Variants in PDLIM5 observed in about 807,000 individuals in gnomAD.
PDLIM5 encodes PDZ and LIM domain protein 5.
A neutral mutation model predicts 64.2 loss-of-function variants in PDLIM5; 34 were observed. The ratio of observed to expected loss-of-function variants is 0.53; its 90% CI spans 0.40 to 0.71. The LOEUF (loss-of-function observed/expected upper bound fraction) is 0.71, where lower values mean the gene tolerates loss of function less well. Ranked by LOEUF, PDLIM5 falls within the 30% of genes least tolerant of loss-of-function variation. The pLI, the probability that PDLIM5 is intolerant of heterozygous loss-of-function variation, is 0.00. For missense variants in PDLIM5, 683 were observed against 733.6 expected (o/e 0.93, Z 0.80); for synonymous variants, 253 against 269.1 (o/e 0.94, Z 0.59).
At position 94,479,199 on chromosome 4, in the gene PDLIM5, C is replaced by T. The variant is rs116061901; in HGVS notation, c.96+23815C>T. Among the ~76,000 whole-genome samples, 732 of 151,188 alleles carry T rather than the reference C, an allele frequency of 4.8e-3. 12 individuals carry two copies. Among genetic ancestry groups the T allele is most frequent in the African/African-American group, 0.016 (650 of 41,204 alleles). On this transcript the variant is annotated intron_variant, in intron 2 of 12. Coordinates refer to ENST00000317968, the MANE Select transcript of PDLIM5 (RefSeq NM_006457.5). Reference sequence around the variant, plus strand: ...ACAGGCATGAGCCACTGTGCCCAGCCTGTTTTTCATTTTGTAAAACACACC... The same window carrying T: ...ACAGGCATGAGCCACTGTGCCCAGCTTGTTTTTCATTTTGTAAAACACACC...
At chr4:94,596,942 T>G (rs544646189) in intron 7 of PDLIM5, among the ~76,000 whole-genome samples, 26 of 152,232 alleles carry the variant, frequency 1.7e-4, no homozygotes, top group Admixed American at 3.9e-4. Flanking sequence ...GGGTATTGTT[T>G]GAATGCTACT....
chr4:94,564,660 T>C (rs1734143827), intron 3 of PDLIM5, among the ~76,000 whole-genome samples: 1 of 139,102 alleles, frequency 7.2e-6, no homozygotes, highest in South Asian at 2.2e-4. Flanking sequence ...TTGTCTCTTT[T>C]TTTTTTTTTT....
At chr4:94,603,857 C>A (rs1737696911) in intron 7 of PDLIM5, among the ~76,000 whole-genome samples, 1 of 152,132 alleles carries the variant, frequency 6.6e-6, no homozygotes, top group East Asian at 1.9e-4. Context: ...CTTAAGTAAC[C>A]TGGTAGGGGA....
chr4:94,502,642 C>T (rs754924268), intron 2 of PDLIM5, among the ~76,000 whole-genome samples: 19 of 151,990 alleles, frequency 1.3e-4, no homozygotes, highest in Non-Finnish European at 2.2e-4. Flanking sequence ...TTTGGGAAGC[C>T]GAGGTGGGTG....
At chr4:94,572,629 TATATACATGG>T (rs1407157866) in intron 3 of PDLIM5, among the ~76,000 whole-genome samples, 1 of 152,196 alleles carries the variant, frequency 6.6e-6, no homozygotes, top group Non-Finnish European at 1.5e-5. Context: ...ATAGTCAAGT[TATATACATGG>T]ATTTTTGTCT....
intron 2 of PDLIM5, chr4:94,456,827 TTATC>T (rs1723415700): frequency 1.7e-6 from 2 of 1,146,042 alleles, no homozygotes; most frequent in Non-Finnish European, 2.2e-6. Context: ...ACTTGGATAT[TTATC>T]AAGTGCTGTG....
At chr4:94,644,208 G>A (rs975771459) in intron 9 of PDLIM5, among the ~76,000 whole-genome samples, 1 of 152,220 alleles carries the variant, frequency 6.6e-6, no homozygotes, top group Non-Finnish European at 1.5e-5. Flanking sequence ...TGAGACAGTT[G>A]CTATGATTAT....
At chr4:94,610,172 C>G (rs1420802194) in intron 7 of PDLIM5, 1 of 1,524,690 alleles carries the variant, frequency 6.6e-7, no homozygotes, top group Non-Finnish European at 8.8e-7. Flanking sequence ...TTAAGCAGCT[C>G]CACAGGAAAT....
chr4:94,638,310 A>G (rs78698799), intron 8 of PDLIM5, among the ~76,000 whole-genome samples: 3,748 of 152,264 alleles, frequency 0.025, 162 homozygotes, highest in East Asian at 0.15. Flanking sequence ...CCATTTCTGT[A>G]AGAGAAAAGT....
chr4:94,619,393 C>G (rs1418449402), intron 8 of PDLIM5, among the ~76,000 whole-genome samples: 5 of 150,342 alleles, frequency 3.3e-5, no homozygotes, highest in African/African-American at 1.2e-4. Context: ...GTAATCCCAG[C>G]ACTTTGGGAG....
At chr4:94,469,029 G>A (rs1161432736) in intron 2 of PDLIM5, among the ~76,000 whole-genome samples, 1 of 152,206 alleles carries the variant, frequency 6.6e-6, no homozygotes, top group Admixed American at 6.5e-5. Context: ...CACATAGCCT[G>A]TGTCAGGGTT....
chr4:94,635,268 G>T (rs896211076), intron 8 of PDLIM5, among the ~76,000 whole-genome samples: 34 of 152,112 alleles, frequency 2.2e-4, no homozygotes, highest in African/African-American at 8.2e-4. Context: ...AGCCATAAAA[G>T]AAGCCAATAT....
At chr4:94,519,632 A>G (rs113426675) in intron 2 of PDLIM5, among the ~76,000 whole-genome samples, 1,800 of 152,274 alleles carry the variant, frequency 0.012, 41 homozygotes, top group African/African-American at 0.041. Flanking sequence ...CAGAGGAATG[A>G]TGAAGCATCC....
At chr4:94,605,800 T>C (rs1737868169) in intron 7 of PDLIM5, among the ~76,000 whole-genome samples, 1 of 152,054 alleles carries the variant, frequency 6.6e-6, no homozygotes. Context: ...ACTCAGCTTT[T>C]TTCCAATCAG....
chr4:94,650,185 T>C (rs1261660665), intron 9 of PDLIM5, among the ~76,000 whole-genome samples: 1 of 152,182 alleles, frequency 6.6e-6, no homozygotes, highest in African/African-American at 2.4e-5. Flanking sequence ...TGTGTTTCTC[T>C]TTTACTCTCT....
chr4:94,553,393 G>C lies in PDLIM5; in HGVS notation c.249-19958G>C, dbSNP rs779318261. On this transcript the variant is annotated intron_variant, in intron 3 of 12. Coordinates refer to ENST00000317968, the MANE Select transcript of PDLIM5 (RefSeq NM_006457.5). ...CAAAGTGCTGGGATTACAGGCGTGA[G>C]CCACCGCACCCAGCCAAATGATCGG... Among the ~76,000 whole-genome samples, 43 of 152,308 alleles carry C rather than the reference G, an allele frequency of 2.8e-4. 1 individual carries two copies. Among genetic ancestry groups the C allele is most frequent in the Middle Eastern group, 6.8e-3 (2 of 294 alleles).
At chr4:94,638,125 A>T (rs540056416) in intron 8 of PDLIM5, among the ~76,000 whole-genome samples, 2 of 152,246 alleles carry the variant, frequency 1.3e-5, no homozygotes, top group Admixed American at 6.5e-5. Flanking sequence ...GAATTTAAAG[A>T]TAATAACAGG....
chr4:94,452,077 G>A (rs1722895907), intron 1 of PDLIM5, 82 bp downstream of exon 1: 1 of 152,404 alleles, frequency 6.6e-6, no homozygotes, highest in Non-Finnish European at 1.5e-5. Flanking sequence ...CGCCGAACGC[G>A]AGAAGGGAAG....
intron 3 of PDLIM5, among the ~76,000 whole-genome samples, chr4:94,566,932 TTC>T (rs1734373007): frequency 6.6e-6 from 1 of 152,220 alleles, no homozygotes; most frequent in Admixed American, 6.5e-5. Flanking sequence ...TTGAATATGG[TTC>T]TGTTATTGAT....
Sources: allele counts gnomAD v4.1 joint callset (sites outside exome capture counted in the v4.1 genomes callset), GRCh38; gene constraint gnomAD v4.1.1; transcripts MANE v1.5; gene names NCBI Gene and HGNC (gene_info 2026-07-23, HGNC 2026-07-21).